ARHGAP32: variants seen among roughly 807,000 people sequenced by gnomAD.
The protein encoded by ARHGAP32 is Rho GTPase activating protein 32.
A neutral mutation model predicts 186.5 loss-of-function variants in ARHGAP32; 51 were observed. That is an observed-to-expected ratio of 0.27 (90% CI 0.22 to 0.35). The LOEUF is 0.35. Ranked by LOEUF, ARHGAP32 falls within the 10% of genes least tolerant of loss-of-function variation. The probability of loss-of-function intolerance (pLI) is 1.00; values close to 1 mark genes in which losing one functional copy is unlikely to be tolerated. For missense variants in ARHGAP32, 2,186 were observed against 2,623.5 expected (o/e 0.83, Z 3.64); for synonymous variants, 950 against 964.3 (o/e 0.99, Z 0.27).
chr11:129,176,886 C>A (rs1353729783), intron 1 of ARHGAP32, among the ~76,000 whole-genome samples: 1 of 152,026 alleles, frequency 6.6e-6, no homozygotes, highest in Non-Finnish European at 1.5e-5. Flanking sequence ...ACTGGAAAAG[C>A]AAGAGCAAAC....
chr11:129,044,753 C>A lies in ARHGAP32; in HGVS notation c.964-3744G>T, dbSNP rs578172163. Among the ~76,000 whole-genome samples, 182 of 152,230 alleles carry A rather than the reference C, an allele frequency of 1.2e-3. 3 individuals are homozygous for A. Among genetic ancestry groups the A allele is most frequent in the African/African-American group, 4.3e-3 (178 of 41,540 alleles). Reference sequence around the variant, plus strand: ...ACTTGGCTCACCCATTTACTAGGTTCTGTGATCTATGGCAAACTGCTTAAC... The same window carrying A: ...ACTTGGCTCACCCATTTACTAGGTTATGTGATCTATGGCAAACTGCTTAAC... On this transcript the variant is annotated intron_variant, in intron 10 of 22. Coordinates refer to ENST00000682385, the MANE Select transcript of ARHGAP32 (RefSeq NM_001378024.1).
chr11:129,139,303 T>A (rs1942999051), intron 2 of ARHGAP32, among the ~76,000 whole-genome samples: 2 of 152,202 alleles, frequency 1.3e-5, no homozygotes, highest in Admixed American at 1.3e-4. Context: ...AGCAATAATA[T>A]GTCCTATTAC....
At chr11:129,236,341 T>C (rs1249578656) in intron 1 of ARHGAP32, among the ~76,000 whole-genome samples, 4 of 152,308 alleles carry the variant, frequency 2.6e-5, no homozygotes, top group South Asian at 2.1e-4. Context: ...CATTTTTCCA[T>C]AGGCTTGTTA....
intron 1 of ARHGAP32, among the ~76,000 whole-genome samples, chr11:129,184,904 G>C (rs560089414): frequency 6.6e-6 from 1 of 152,072 alleles, no homozygotes; most frequent in East Asian, 1.9e-4. Flanking sequence ...ACTTAAGAAC[G>C]TATCAGGCAA....
rs1368437975 is a variant in ARHGAP32 at position 128,965,264 on chromosome 11, C to G, written c.*3643G>C. Reference sequence around the variant, plus strand: ...AAATAAGTTTGCAAGAAATGAGACTCTAAATATTTACATATGGGGCAAGAA... The same window carrying G: ...AAATAAGTTTGCAAGAAATGAGACTGTAAATATTTACATATGGGGCAAGAA... On this transcript the variant is annotated 3_prime_UTR_variant, in exon 23 of 23. Coordinates refer to ENST00000682385, the MANE Select transcript of ARHGAP32 (RefSeq NM_001378024.1). The G allele has an allele frequency of 2.0e-5, 3 of 149,772 alleles. No individual in the cohort carries two copies. The East Asian group carries it at 6.0e-4, about 30-fold the overall frequency. The allele number at this position is 149,772 out of a possible 1,614,324, so 9.3% of individuals were successfully genotyped here.
intron 1 of ARHGAP32, among the ~76,000 whole-genome samples, chr11:129,254,312 G>A (rs1336939091): frequency 6.6e-6 from 1 of 152,032 alleles, no homozygotes; most frequent in Non-Finnish European, 1.5e-5. Flanking sequence ...TTTAAAGAAT[G>A]TATCATATTT....
intron 6 of ARHGAP32, among the ~76,000 whole-genome samples, chr11:129,090,573 T>G (rs1195971490): frequency 6.6e-6 from 1 of 152,160 alleles, no homozygotes; most frequent in African/African-American, 2.4e-5. Flanking sequence ...CAATTATTCT[T>G]ATACCAACAA....
chr11:129,215,344 C>G (rs1944632022), intron 1 of ARHGAP32, among the ~76,000 whole-genome samples: 1 of 152,144 alleles, frequency 6.6e-6, no homozygotes, highest in African/African-American at 2.4e-5. Context: ...CATCCTAGCA[C>G]TCAGGGCATT....
chr11:129,182,812 T>C (rs1241108453), intron 1 of ARHGAP32, among the ~76,000 whole-genome samples: 2 of 151,716 alleles, frequency 1.3e-5, no homozygotes, highest in Non-Finnish European at 2.9e-5. Flanking sequence ...CCAGGCTAAG[T>C]TTTTTATTTT....
intron 1 of ARHGAP32, among the ~76,000 whole-genome samples, chr11:129,258,070 T>C (rs1945277507): frequency 6.6e-6 from 1 of 152,204 alleles, no homozygotes; most frequent in South Asian, 2.1e-4. Context: ...ATGTAATACA[T>C]TTCATGTTAA....
intron 6 of ARHGAP32, among the ~76,000 whole-genome samples, chr11:129,092,587 G>A (rs1240163527): frequency 1.3e-5 from 2 of 151,780 alleles, no homozygotes; most frequent in African/African-American, 4.8e-5. Context: ...TAAACAATAC[G>A]TGAATTTGGC....
intron 11 of ARHGAP32, among the ~76,000 whole-genome samples, chr11:129,020,653 AATC>A (rs1938552617): frequency 6.6e-6 from 1 of 152,118 alleles, no homozygotes; most frequent in African/African-American, 2.4e-5. Context: ...GAAAACTTAT[AATC>A]TATCAGGTTG....
At chr11:129,078,948 A>T (rs1729383601) in intron 6 of ARHGAP32, among the ~76,000 whole-genome samples, 1 of 152,136 alleles carries the variant, frequency 6.6e-6, no homozygotes, top group Non-Finnish European at 1.5e-5. Flanking sequence ...TGAAAGACAC[A>T]CTTAGAGAAA....
intron 6 of ARHGAP32, among the ~76,000 whole-genome samples, chr11:129,087,604 A>C (rs554902191): frequency 2.6e-5 from 4 of 152,234 alleles, no homozygotes; most frequent in Non-Finnish European, 5.9e-5. Context: ...GGAAAGATGA[A>C]TCAGAGGGAC....
At chr11:129,173,003 A>T (rs371841248) in intron 1 of ARHGAP32, among the ~76,000 whole-genome samples, 1 of 147,218 alleles carries the variant, frequency 6.8e-6, no homozygotes, top group African/African-American at 2.5e-5. Flanking sequence ...AAAAAAAAAA[A>T]TCAACAAATC....
intron 11 of ARHGAP32, among the ~76,000 whole-genome samples, chr11:129,023,470 A>C (rs1022170132): frequency 1.3e-5 from 2 of 152,230 alleles, no homozygotes; most frequent in African/African-American, 4.8e-5. Context: ...ACCAGGAAAA[A>C]AATTAAAAAG....
rs1944842908 is a variant in ARHGAP32 at position 129,230,452 on chromosome 11, A to G, written c.-5+48694T>C. ...TTGAGTTTACAGTGAGAATACAAGC[A>G]GAAACATACAATGATGCAATTATAT... On this transcript the variant is annotated intron_variant, in intron 1 of 6. Coordinates refer to the ARHGAP32 transcript ENST00000525234. Among the ~76,000 whole-genome samples the G allele has an allele frequency of 3.3e-5, 5 of 152,252 alleles. No homozygotes were observed. The South Asian group carries it at 1.0e-3, about 32-fold the overall frequency.
At chr11:129,088,931 G>A (rs1033543886) in intron 6 of ARHGAP32, among the ~76,000 whole-genome samples, 4 of 149,214 alleles carry the variant, frequency 2.7e-5, no homozygotes, top group Non-Finnish European at 5.9e-5. Flanking sequence ...CTGGGAGGTC[G>A]AGGCTGTAGT....
At chr11:129,065,776 T>A (rs1298983610) in intron 7 of ARHGAP32, among the ~76,000 whole-genome samples, 1 of 152,064 alleles carries the variant, frequency 6.6e-6, no homozygotes, top group Non-Finnish European at 1.5e-5. Flanking sequence ...ATCCACTCTC[T>A]CCTCCTGTAA....
Sources: allele counts gnomAD v4.1 joint callset (sites outside exome capture counted in the v4.1 genomes callset), GRCh38; gene constraint gnomAD v4.1.1; transcripts MANE v1.5; gene names NCBI Gene and HGNC (gene_info 2026-07-23, HGNC 2026-07-21).